GIT1: variants seen among roughly 807,000 people sequenced by gnomAD.
GIT1 encodes the protein GIT ArfGAP 1, also known as ARF GTPase-activating protein GIT1.
Under a neutral mutation model 91.7 loss-of-function variants are expected in GIT1, and 14 were observed. That is an observed-to-expected ratio of 0.15 (90% CI 0.10 to 0.24). The LOEUF (loss-of-function observed/expected upper bound fraction) is 0.24. Among genes scored for constraint, GIT1 ranks in the 10% least tolerant of loss-of-function variants. The probability of loss-of-function intolerance (pLI) is 1.00; values close to 1 mark genes in which losing one functional copy is unlikely to be tolerated. For synonymous variants in GIT1, 414 were observed against 418.2 expected, an observed-to-expected ratio of 0.99 and a Z score of 0.12; for missense variants, 717 against 1,024.9, an observed-to-expected ratio of 0.70 and a Z score of 4.10.
intron 4 of GIT1, 45 bp downstream of exon 4, chr17:29,582,653 G>A: frequency 7.7e-7 from 1 of 1,301,462 alleles, no homozygotes; most frequent in Non-Finnish European, 1.1e-6. Flanking sequence ...TCGTGGATGG[G>A]AAGAAGAGGA....
At position 29,573,887 on chromosome 17, in the gene GIT1, T is replaced by G. The variant is rs1206276335; in HGVS notation, c.*815A>C. The stretch of plus-strand genomic sequence containing the variant: ...TAAGTTCATAGAGAAGGGGCGAGAG[T>G]GGGGAGGGATCAGGGAGGCAGCTGG... On this transcript the variant is annotated 3_prime_UTR_variant, in exon 20 of 20. Coordinates refer to ENST00000225394, the MANE Select transcript of GIT1 (RefSeq NM_014030.4). The G allele has an allele frequency of 6.6e-6, 1 of 151,488 alleles. No individual in the cohort carries two copies. Among genetic ancestry groups the G allele is most frequent in the Non-Finnish European group, 1.5e-5 (1 of 67,940 alleles). 9.4% of individuals were successfully genotyped at this position (151,488 alleles called of 1,614,324 possible).
At chr17:29,583,445 C>T (rs772153655) in intron 2 of GIT1, 38 bp downstream of exon 2, 1 of 1,603,004 alleles carries the variant, frequency 6.2e-7, no homozygotes, top group Non-Finnish European at 8.5e-7. Flanking sequence ...CACACTCTGC[C>T]TGAGGGGAAG....
At chr17:29,584,524 T>C (rs569294568) in intron 1 of GIT1, among the ~76,000 whole-genome samples, 1 of 152,274 alleles carries the variant, frequency 6.6e-6, no homozygotes, top group East Asian at 1.9e-4. Context: ...CCTAGGCCCC[T>C]TGGGAGACAG....
Position 29,577,700 on chromosome 17 carries a change from C to T in GIT1, c.926G>A (p.Arg309His), listed in dbSNP as rs368918039. The T allele has an allele frequency of 9.3e-6, 15 of 1,612,652 alleles. No homozygotes were observed. The highest frequency in any genetic ancestry group is 4.4e-5 in the South Asian group (4 of 91,064). ...TQNHSTLVTE[R>H]SAVPFLPVNP... ...AACAGGCAGGAAGGGCACGGCACTG[C>T]GCTCTGTCACCAGAGTGCTGTGGTT... The change falls in exon 10 of 20, where the codon CGC (arginine) becomes CAC (histidine). Residue 309 changes from arginine to histidine, a missense_variant. This residue lies in a region of GIT1 where 271 missense variants were observed against 451.6 expected (regional missense o/e 0.60). Coordinates refer to ENST00000225394, the MANE Select transcript of GIT1 (RefSeq NM_014030.4).
intron 1 of GIT1, chr17:29,583,862 C>T: frequency 4.0e-6 from 2 of 503,566 alleles, no homozygotes; most frequent in South Asian, 6.5e-5. Flanking sequence ...TATGCAGTCC[C>T]CAGGGCCCAT....
chr17:29,587,345 C>G (rs565958856), intron 1 of GIT1, among the ~76,000 whole-genome samples: 1 of 152,322 alleles, frequency 6.6e-6, no homozygotes, highest in East Asian at 1.9e-4. Context: ...TGCTGGACAC[C>G]TCGCTGGGTG....
chr17:29,578,404 A>G (rs2033286875), intron 8 of GIT1, 33 bp from the exon 9 acceptor site: 1 of 1,602,278 alleles, frequency 6.2e-7, no homozygotes, highest in South Asian at 1.1e-5. Context: ...ATGTTGTCAG[A>G]TGCATCGGCT....
intron 12 of GIT1, 90 bp from the exon 13 acceptor site, chr17:29,576,764 C>G (rs1029316385): frequency 6.3e-7 from 1 of 1,583,608 alleles, no homozygotes; most frequent in Non-Finnish European, 8.6e-7. Flanking sequence ...AGCAGCCCAC[C>G]TGTCCCTCAG....
rs1419099009 is a variant in GIT1, at chr17:29,581,921, C to A, written c.623+6G>T. On this transcript the variant is annotated splice_donor_region_variant and intron_variant, in intron 5 of 19. Coordinates refer to ENST00000225394, the MANE Select transcript of GIT1 (RefSeq NM_014030.4). The surrounding 1 kb of genome is among the most constrained non-coding windows in gnomAD (Gnocchi z 4.8). ...ACCCACACTGCACCCTTCAGCCGAC[C>A]CTCACCTGGCATAGTCAATGGGTGT... The A allele has an allele frequency of 6.2e-7, 1 of 1,612,570 alleles. No homozygotes were observed.
chr17:29,578,471 T>G (rs1157672559), intron 8 of GIT1, 100 bp from the exon 9 acceptor site: 3 of 1,105,534 alleles, frequency 2.7e-6, no homozygotes, highest in East Asian at 2.3e-5. Context: ...CCGGTGGCCT[T>G]CCTTGTGCTG....
rs1396160424 is a variant in GIT1 at position 29,577,625 on chromosome 17, C to A, written c.981+20G>T. 5.3e-6 allele frequency: 8 copies of A among 1,518,146 alleles called. No individual in the cohort carries two copies. Among genetic ancestry groups the A allele is most frequent in the South Asian group, 1.1e-5 (1 of 89,090 alleles). The allele number at this position is 1,518,146 out of a possible 1,614,324, so 94.0% of individuals were successfully genotyped here. A position where few individuals can be genotyped will look rare whatever the true frequency, so the allele number is the denominator to read the frequency against. On this transcript the variant is annotated intron_variant, in intron 10 of 19. Coordinates refer to ENST00000225394, the MANE Select transcript of GIT1 (RefSeq NM_014030.4). ...GGGGATGAAGTAGACCACCCCAGGC[C>A]CCCAATCCAGCCCCCTCACCTGATT... is the stretch of plus-strand genomic sequence containing the variant.
rs200603121 is a variant in GIT1 at position 29,583,514 on chromosome 17, C to T, written c.155G>A (p.Arg52His). The T allele has an allele frequency of 8.1e-5, 131 of 1,612,456 alleles. No individual in the cohort carries two copies. The highest frequency in any genetic ancestry group is 1.4e-4 in the South Asian group (13 of 91,076). The part of the protein sequence containing the change: ...GRHISIVKHL[R>H]HSAWPPTLLQ... ...CAGCGTGGGAGGCCAGGCGCTGTGG[C>T]GAAGGTGCTTGACAATGGAGATGTG... is the stretch of plus-strand genomic sequence containing the variant. Residue 52 changes from arginine to histidine, a missense_variant, in exon 2 of 20, where the codon CGC (arginine) becomes CAC (histidine). Physicochemically the swap from Arg to His is conservative, Grantham distance 29 (BLOSUM62 0). This residue lies in a region of GIT1 where 271 missense variants were observed against 451.6 expected (regional missense o/e 0.60). Transcript: ENST00000225394.
chr17:29,579,341 TCCACCCAGCAGCCAGGGTGA>T, intron 7 of GIT1: 2 of 336,924 alleles, frequency 5.9e-6, no homozygotes, highest in South Asian at 8.6e-5. Flanking sequence ...ACAATCCTGT[TCCACCCAGCAGCCAGGGTGA>T]TTTTTTGGAT....
intron 4 of GIT1, 40 bp from the exon 5 acceptor site, chr17:29,582,184 G>T: frequency 7.0e-7 from 1 of 1,419,386 alleles, no homozygotes; most frequent in South Asian, 1.2e-5. Flanking sequence ...GCATGTGCGT[G>T]AGGCGCACCT....
intron 1 of GIT1, among the ~76,000 whole-genome samples, chr17:29,587,216 C>T (rs1263823654): frequency 6.6e-6 from 1 of 152,168 alleles, no homozygotes; most frequent in East Asian, 1.9e-4. Context: ...CCACAGGACC[C>T]AGACCAAACA....
chr17:29,584,959 CTTTTTTTTT>C (rs11419578), intron 1 of GIT1, among the ~76,000 whole-genome samples: 1 of 102,416 alleles, frequency 9.8e-6, no homozygotes, highest in Non-Finnish European at 1.9e-5. Context: ...TGGGTTTAGG[CTTTTTTTTT>C]TTTTTTTTTT....
In GIT1 at chr17:29,576,083, A is replaced by G. The variant is rs745577793; in HGVS notation, c.1660T>C (p.Tyr554His). The change falls in exon 15 of 20, where the codon TAC (tyrosine) becomes CAC (histidine). Residue 554 changes from tyrosine to histidine, a missense_variant. Transcript: ENST00000225394. Reference protein sequence around the residue: ...IYSVHVPAGLYRIRKGVSASA... With the variant: ...IYSVHVPAGLHRIRKGVSASA... Reference sequence around the variant, plus strand: ...CACGCCTTCCCCAGGCTTACCCGGTAAAGGCCAGCAGGGACGTGCACTGAA... The same window carrying G: ...CACGCCTTCCCCAGGCTTACCCGGTGAAGGCCAGCAGGGACGTGCACTGAA... 6.2e-6 allele frequency: 10 copies of G among 1,613,450 alleles called. No homozygotes were observed. The highest frequency in any genetic ancestry group is 8.5e-6 in the Non-Finnish European group (10 of 1,179,752).
chr17:29,576,600 A>T lies in GIT1; in HGVS notation c.1302T>A (p.Ala434=). The T allele has an allele frequency of 6.2e-7, 1 of 1,614,070 alleles. No homozygotes were observed. ...GCTGCTGCACCTTTGCCTCCGATGT[A>T]GCCAGGGCCTTCTTCAGCTCCAGGT... ...QEYLELKKAL[A]TSEAKVQQLM... Residue 434 remains alanine, a synonymous_variant, in exon 13 of 20, where the codon GCT becomes GCA. Transcript: ENST00000225394.
In GIT1 at chr17:29,575,442, C is replaced by T. The variant is rs1440168411; in HGVS notation, c.1855G>A (p.Gly619Ser). 1.9e-6 allele frequency: 3 copies of T among 1,611,474 alleles called. No homozygotes were observed. The highest frequency in any genetic ancestry group is 2.5e-6 in the Non-Finnish European group (3 of 1,178,774). The change falls in exon 18 of 20, where the codon GGC (glycine) becomes AGC (serine). Residue 619 changes from glycine to serine, a missense_variant. Coordinates refer to ENST00000225394, the MANE Select transcript of GIT1 (RefSeq NM_014030.4). The surrounding 1 kb of genome is among the most constrained non-coding windows in gnomAD (Gnocchi z 5.5). ...GLEGKRFLEL[G>S]KEEDFHPELE... ...TCTGGGTGGAAGTCTTCCTCTTTGC[C>T]CAGCTCTAGAAACCTCTTCCCTTCC... is the stretch of plus-strand genomic sequence containing the variant.
Sources: allele counts gnomAD v4.1 joint callset (sites outside exome capture counted in the v4.1 genomes callset), GRCh38; gene constraint gnomAD v4.1.1; regional missense constraint gnomAD v4.1.1; non-coding constraint Gnocchi (gnomAD v3.1); transcripts MANE v1.5; gene names NCBI Gene and HGNC (gene_info 2026-07-23, HGNC 2026-07-21).